MGAT4C: variants seen among roughly 807,000 people sequenced by gnomAD.
MGAT4C encodes alpha-1,3-mannosyl-glycoprotein 4-beta-N-acetylglucosaminyltransferase C.
A neutral mutation model predicts 40.1 loss-of-function variants in MGAT4C; 19 were observed. The observed-to-expected ratio is 0.47, with a 90% CI of 0.33 to 0.70. The LOEUF is 0.70. MGAT4C is among the 30% of genes least tolerant of loss of function. MGAT4C has a pLI of 0.02. For missense variants in MGAT4C, 491 were observed against 563.2 expected, an observed-to-expected ratio of 0.87 and a Z score of 1.30; for synonymous variants, 181 against 187.1, an observed-to-expected ratio of 0.97 and a Z score of 0.27.
intron 2 of MGAT4C, among the ~76,000 whole-genome samples, chr12:86,490,664 G>A (rs1230125220): frequency 6.6e-6 from 1 of 151,886 alleles, no homozygotes; most frequent in Non-Finnish European, 1.5e-5. Flanking sequence ...TCAGTGTGCT[G>A]TATTCAGGAA....
At chr12:86,076,882 C>A (rs1869835124) in intron 1 of MGAT4C, among the ~76,000 whole-genome samples, 1 of 152,080 alleles carries the variant, frequency 6.6e-6, no homozygotes, top group Admixed American at 6.5e-5. Flanking sequence ...GGCTGAGGAG[C>A]AAGGAGAGCC....
At chr12:86,625,704 T>TAA (rs1186474964) in intron 2 of MGAT4C, among the ~76,000 whole-genome samples, 3 of 152,142 alleles carry the variant, frequency 2.0e-5, no homozygotes, top group Non-Finnish European at 4.4e-5. Flanking sequence ...TATAGTAAGT[T>TAA]AATATGTATT....
intron 2 of MGAT4C, among the ~76,000 whole-genome samples, chr12:86,582,398 C>A (rs369909571): frequency 1.3e-5 from 2 of 151,202 alleles, no homozygotes; most frequent in African/African-American, 4.8e-5. Context: ...TATGTTTAGA[C>A]CTCACAGTCA....
At chr12:86,798,399 C>T (rs1207489924) in intron 1 of MGAT4C, among the ~76,000 whole-genome samples, 4 of 151,866 alleles carry the variant, frequency 2.6e-5, no homozygotes, top group Non-Finnish European at 5.9e-5. Flanking sequence ...AATATCTGGA[C>T]GAGTGTTACT....
chr12:86,190,759 T>A (rs1290713462), intron 1 of MGAT4C, among the ~76,000 whole-genome samples: 3 of 152,100 alleles, frequency 2.0e-5, no homozygotes, highest in Non-Finnish European at 4.4e-5. Flanking sequence ...GATGTGAAGA[T>A]ATTTTGTAGA....
rs73394945 is a variant in MGAT4C, at chr12:86,626,129, T to G, written c.-229+101080A>C. 3.6e-3 allele frequency among the ~76,000 whole-genome samples: 551 copies of G among 152,300 alleles called. 3 individuals are homozygous for G. Among genetic ancestry groups the G allele is most frequent in the African/African-American group, 0.013 (536 of 41,562 alleles). ...TGCTAGATAAAGTTTTGAATTAAAA[T>G]TTTTACACAATTCTTGCTGTGAAGA... On this transcript the variant is annotated intron_variant, in intron 2 of 7. Coordinates refer to the MGAT4C transcript ENST00000548651.
intron 2 of MGAT4C, among the ~76,000 whole-genome samples, chr12:85,999,404 A>T (rs1887024051): frequency 6.6e-6 from 1 of 152,128 alleles, no homozygotes; most frequent in Non-Finnish European, 1.5e-5. Context: ...ATTATATACA[A>T]ATGTTCACAA....
At chr12:86,711,774 T>C (rs527326997) in intron 2 of MGAT4C, among the ~76,000 whole-genome samples, 3 of 152,304 alleles carry the variant, frequency 2.0e-5, no homozygotes, top group South Asian at 4.1e-4. Flanking sequence ...ATATTTGTGT[T>C]GTTTTGTATC....
chr12:86,336,006 A>G lies in MGAT4C; in HGVS notation c.-119-1879T>C, dbSNP rs180969475. Among the ~76,000 whole-genome samples, 136 of 152,118 alleles carry G rather than the reference A, an allele frequency of 8.9e-4. 1 individual carries two copies. The highest frequency in any genetic ancestry group is 1.4e-3 in the East Asian group (7 of 5,156). On this transcript the variant is annotated intron_variant, in intron 3 of 7. Coordinates refer to the MGAT4C transcript ENST00000548651. ...CAAAACCTTCCTTTTTTAAACCTATACTGATGTTGATAAATTCTTCTTACC... is the reference window on the plus strand; with the variant it reads ...CAAAACCTTCCTTTTTTAAACCTATGCTGATGTTGATAAATTCTTCTTACC...
intron 2 of MGAT4C, among the ~76,000 whole-genome samples, chr12:86,039,599 G>T (rs1465926030): frequency 1.3e-5 from 2 of 152,022 alleles, no homozygotes; most frequent in East Asian, 1.9e-4. Flanking sequence ...CCCTAAACTG[G>T]TTATTCTAGT....
At chr12:86,751,583 T>C (rs1347396770) in intron 1 of MGAT4C, among the ~76,000 whole-genome samples, 1 of 152,098 alleles carries the variant, frequency 6.6e-6, no homozygotes, top group Non-Finnish European at 1.5e-5. Flanking sequence ...CTTATATTTA[T>C]ATCCTGAGTT....
chr12:86,272,138 T>G (rs1952966688), intron 4 of MGAT4C, among the ~76,000 whole-genome samples: 1 of 152,164 alleles, frequency 6.6e-6, no homozygotes, highest in Non-Finnish European at 1.5e-5. Flanking sequence ...GTTATGAATA[T>G]CCTAAATACA....
intron 2 of MGAT4C, among the ~76,000 whole-genome samples, chr12:86,486,727 C>T (rs929252240): frequency 3.3e-5 from 5 of 152,154 alleles, no homozygotes; most frequent in African/African-American, 1.2e-4. Context: ...CAAAAGTGGA[C>T]CTAACAGACA....
intron 2 of MGAT4C, among the ~76,000 whole-genome samples, chr12:86,609,292 G>T (rs1311761656): frequency 1.3e-5 from 2 of 151,998 alleles, no homozygotes; most frequent in South Asian, 4.2e-4. Context: ...TAAACGTGAA[G>T]ACCATGACAG....
At chr12:86,376,029 A>G (rs1268491777) in intron 3 of MGAT4C, among the ~76,000 whole-genome samples, 2 of 152,082 alleles carry the variant, frequency 1.3e-5, no homozygotes, top group African/African-American at 4.8e-5. Flanking sequence ...GGAGAGCACT[A>G]TATAATTGTT....
At chr12:86,525,608 G>GT (rs982730556) in intron 2 of MGAT4C, among the ~76,000 whole-genome samples, 7 of 152,082 alleles carry the variant, frequency 4.6e-5, no homozygotes, top group South Asian at 2.1e-4. Context: ...ACCTTTGCAT[G>GT]TTTTTTTCTT....
intron 2 of MGAT4C, among the ~76,000 whole-genome samples, chr12:86,492,327 C>A (rs1958153599): frequency 6.6e-6 from 1 of 152,106 alleles, no homozygotes. Flanking sequence ...AAAAACGAGC[C>A]CGCATTGCCA....
intron 4 of MGAT4C, among the ~76,000 whole-genome samples, chr12:86,297,823 C>A (rs1483345987): frequency 1.3e-5 from 2 of 152,080 alleles, no homozygotes; most frequent in African/African-American, 4.8e-5. Context: ...TTAATACAAG[C>A]ATGTTACCAA....
chr12:85,979,311 C>T lies in MGAT4C; in HGVS notation c.1415G>A (p.Ser472Asn). 1 of 1,604,112 alleles carries T rather than the reference C, an allele frequency of 6.2e-7. No homozygotes were observed. Among genetic ancestry groups the T allele is most frequent in the Non-Finnish European group, 8.5e-7 (1 of 1,173,902 alleles). ...TGGCTAAGAAGTCCAAATGCTAATA[C>T]TCCTAATAATTAGCCATTCCTTTTG... ...KTQKEWLIIR[S>N]ISIWTS Residue 472 changes from serine (S) to asparagine (N), a missense_variant, in exon 5 of 5, where the codon AGT becomes AAT. Physicochemically the swap from Ser to Asn is conservative, Grantham distance 46. Coordinates refer to ENST00000611864, the MANE Select transcript of MGAT4C (RefSeq NM_001351288.2).
Sources: gnomAD v4.1 joint callset for allele counts (sites outside exome capture counted in the v4.1 genomes callset) on GRCh38, gnomAD v4.1.1 for gene constraint, MANE v1.5 for transcripts, NCBI Gene and HGNC (gene_info 2026-07-23, HGNC 2026-07-21) for gene names.